Variants in NRP1 observed in about 807,000 individuals in gnomAD.
The protein encoded by NRP1 is neuropilin-1.
In NRP1, 35 loss-of-function variants were observed where a neutral mutation model predicts 106.7. That is an observed-to-expected ratio of 0.33 (90% CI 0.25 to 0.43). The LOEUF is 0.43. Among genes scored for constraint, NRP1 ranks in the 20% least tolerant of loss-of-function variants. NRP1 has a pLI of 1.00. For missense variants in NRP1, 1,024 were observed against 1,170.4 expected (o/e 0.87, Z 1.83); for synonymous variants, 437 against 417.9 (o/e 1.05, Z -0.56).
At chr10:33,188,933 A>G (rs200406446) in intron 13 of NRP1, among the ~76,000 whole-genome samples, 2 of 144,540 alleles carry the variant, frequency 1.4e-5, no homozygotes, top group East Asian at 2.1e-4. Flanking sequence ...ATATATATAT[A>G]TATAAATTAA....
intron 2 of NRP1, among the ~76,000 whole-genome samples, chr10:33,287,027 A>T (rs1328284116): frequency 6.6e-6 from 1 of 152,210 alleles, no homozygotes; most frequent in Non-Finnish European, 1.5e-5. Flanking sequence ...TTTAAATTTA[A>T]AATAGGCTTT....
chr10:33,270,572 C>A (rs553532138), intron 3 of NRP1, 103 bp downstream of exon 3: 11 of 947,878 alleles, frequency 1.2e-5, no homozygotes, highest in African/African-American at 5.0e-5. Context: ...AGTGATCCAC[C>A]TGCCTCGGCC....
At chr10:33,260,238 G>A (rs1588869076) in intron 4 of NRP1, among the ~76,000 whole-genome samples, 1 of 151,930 alleles carries the variant, frequency 6.6e-6, no homozygotes, top group Non-Finnish European at 1.5e-5. Flanking sequence ...GTACAAAATA[G>A]GCCATCTATA....
At chr10:33,232,112 C>T (rs182698507) in intron 6 of NRP1, among the ~76,000 whole-genome samples, 348 of 152,220 alleles carry the variant, frequency 2.3e-3, no homozygotes, top group Non-Finnish European at 3.5e-3. Flanking sequence ...TTCTCATCAA[C>T]GTCACATGCT....
intron 2 of NRP1, among the ~76,000 whole-genome samples, chr10:33,294,176 C>T (rs1410960144): frequency 1.3e-5 from 2 of 152,152 alleles, no homozygotes; most frequent in Non-Finnish European, 2.9e-5. Context: ...TCCTACATAT[C>T]TCAAACGCTT....
intron 2 of NRP1, among the ~76,000 whole-genome samples, chr10:33,302,840 T>A (rs1422143109): frequency 2.0e-5 from 3 of 152,152 alleles, no homozygotes; most frequent in African/African-American, 7.2e-5. Flanking sequence ...CCAAAAAAGT[T>A]TAGTTTTATC....
At chr10:33,294,285 T>C (rs779999027) in intron 2 of NRP1, among the ~76,000 whole-genome samples, 1 of 152,178 alleles carries the variant, frequency 6.6e-6, no homozygotes, top group Non-Finnish European at 1.5e-5. Flanking sequence ...TCACTGTTCT[T>C]CATGGAGTTG....
At chr10:33,304,017 T>C (rs1820269658) in intron 2 of NRP1, among the ~76,000 whole-genome samples, 1 of 152,242 alleles carries the variant, frequency 6.6e-6, no homozygotes, top group Non-Finnish European at 1.5e-5. Flanking sequence ...AATCTGTTTT[T>C]CCTTCAAGCT....
At chr10:33,255,967 G>A (rs979589522) in intron 5 of NRP1, among the ~76,000 whole-genome samples, 2 of 152,092 alleles carry the variant, frequency 1.3e-5, no homozygotes, top group Admixed American at 6.6e-5. Flanking sequence ...TTATCATCTG[G>A]GATAGATGCC....
chr10:33,213,429 G>A lies in NRP1; in HGVS notation c.1571C>T (p.Ser524Leu), dbSNP rs117525057. The A allele has an allele frequency of 1.5e-3, 2,463 of 1,613,790 alleles. 47 individuals carry two copies. In the Admixed American group the frequency reaches 0.03, roughly 20 times the overall value. ...KFKIGYSNNG[S>L]DWKMIMDDSK... ...GTCATCCATGATCATCTTCCAGTCC[G>A]AGCCGTTGTTGCTGTACCCGATCTT... The change falls in exon 9 of 17, where the codon TCG (serine) becomes TTG (leucine). Residue 524 changes from serine to leucine, a missense_variant. Ser to Leu is a moderately radical substitution (Grantham distance 145). This residue lies in a region of NRP1 where 562 missense variants were observed against 620.3 expected (regional missense o/e 0.91). Transcript: ENST00000374867.
intron 9 of NRP1, chr10:33,212,896 C>T (rs1838422846): frequency 3.5e-6 from 1 of 287,552 alleles, no homozygotes; most frequent in Non-Finnish European, 6.5e-6. Context: ...GTCTCGAACT[C>T]CTGAGCTCAG....
intron 2 of NRP1, among the ~76,000 whole-genome samples, chr10:33,271,401 A>G (rs1843304251): frequency 6.6e-6 from 1 of 152,238 alleles, no homozygotes; most frequent in South Asian, 2.1e-4. Context: ...CTTCTTTGAA[A>G]ATAGTCTCTC....
At chr10:33,213,846 A>T in intron 8 of NRP1, 129 bp from the exon 9 acceptor site, 1 of 756,336 alleles carries the variant, frequency 1.3e-6, no homozygotes, top group Non-Finnish European at 2.1e-6. Context: ...CAGTCTCTGG[A>T]TTATTTTACA....
intron 7 of NRP1, 93 bp downstream of exon 7, chr10:33,226,041 C>A: frequency 7.2e-7 from 1 of 1,380,318 alleles, no homozygotes; most frequent in Non-Finnish European, 1.0e-6. Flanking sequence ...CAAAAATAAA[C>A]CAGGCCAGAC....
intron 11 of NRP1, 21 bp downstream of exon 11, chr10:33,202,870 G>T (rs1837451249): frequency 1.2e-6 from 2 of 1,614,206 alleles, no homozygotes; most frequent in African/African-American, 1.3e-5. Flanking sequence ...TACAGCAATG[G>T]GATGAAGATG....
At chr10:33,299,490 T>A (rs1282108891) in intron 2 of NRP1, among the ~76,000 whole-genome samples, 1 of 152,134 alleles carries the variant, frequency 6.6e-6, no homozygotes, top group Non-Finnish European at 1.5e-5. Context: ...AAAAATTTGT[T>A]ACAGGTGACA....
chr10:33,264,508 G>A (rs1385910263), intron 3 of NRP1, among the ~76,000 whole-genome samples: 4 of 152,160 alleles, frequency 2.6e-5, no homozygotes, highest in Non-Finnish European at 5.9e-5. Context: ...CCATGATGCC[G>A]GAAGTCACCT....
chr10:33,202,543 A>C, intron 11 of NRP1: 3 of 1,305,906 alleles, frequency 2.3e-6, no homozygotes, highest in African/African-American at 1.6e-5. Context: ...GTGTGTGGTT[A>C]CGTAGGGGTG....
intron 9 of NRP1, among the ~76,000 whole-genome samples, chr10:33,210,225 C>T (rs889120252): frequency 4.0e-5 from 6 of 151,220 alleles, no homozygotes; most frequent in African/African-American, 7.3e-5. Flanking sequence ...AATTCACTAT[C>T]GGGGTTCTGC....
Sources: allele counts gnomAD v4.1 joint callset (sites outside exome capture counted in the v4.1 genomes callset), GRCh38; gene constraint gnomAD v4.1.1; regional missense constraint gnomAD v4.1.1; transcripts MANE v1.5; gene names NCBI Gene and HGNC (gene_info 2026-07-23, HGNC 2026-07-21).